Variants in DLC1 observed in about 807,000 individuals in gnomAD.
DLC1 encodes the protein rho GTPase-activating protein 7.
A neutral mutation model predicts 140.3 loss-of-function variants in DLC1; 54 were observed. The ratio of observed to expected loss-of-function variants is 0.38; its 90% CI spans 0.31 to 0.48. The LOEUF is 0.48. Ranked by LOEUF, DLC1 falls within the 20% of genes least tolerant of loss-of-function variation. The pLI is 0.96. For synonymous variants in DLC1, 986 were observed against 728.1 expected (o/e 1.35, Z -5.70); for missense variants, 2,536 against 1,907.0 (o/e 1.33, Z -6.14).
chr8:13,567,625 T>C, intron 1 of DLC1: 5 of 1,551,692 alleles, frequency 3.2e-6, no homozygotes, highest in Non-Finnish European at 4.4e-6. Context: ...GCTGGCCCTG[T>C]CTGCCTTTCT....
chr8:13,382,221 G>A (rs1836295594), intron 4 of DLC1, among the ~76,000 whole-genome samples: 1 of 152,016 alleles, frequency 6.6e-6, no homozygotes, highest in South Asian at 2.1e-4. Context: ...TGAAATGAAA[G>A]AGGAGGCCGG....
chr8:13,538,543 T>C (rs60830385), intron 1 of DLC1, among the ~76,000 whole-genome samples: 6 of 152,048 alleles, frequency 3.9e-5, no homozygotes, highest in Non-Finnish European at 7.4e-5. Context: ...GGCTTCAGAA[T>C]TTTTGTTGTG....
intron 4 of DLC1, among the ~76,000 whole-genome samples, chr8:13,355,962 C>T (rs1161130715): frequency 1.3e-5 from 2 of 151,082 alleles, no homozygotes; most frequent in South Asian, 4.2e-4. Context: ...TAGTGGCGGG[C>T]ACCTGTAGTC....
intron 7 of DLC1, among the ~76,000 whole-genome samples, chr8:13,105,485 A>C (rs1395537216): frequency 6.6e-6 from 1 of 152,004 alleles, no homozygotes; most frequent in Non-Finnish European, 1.5e-5. Flanking sequence ...TAGATTTTAC[A>C]GATGAGGAAA....
At chr8:13,567,095 C>A in intron 1 of DLC1, 1 of 1,551,752 alleles carries the variant, frequency 6.4e-7, no homozygotes, top group Non-Finnish European at 8.7e-7. Flanking sequence ...GTACAGACTT[C>A]CAGCTCATTC....
chr8:13,359,608 C>T (rs940371806), intron 4 of DLC1, among the ~76,000 whole-genome samples: 2 of 152,154 alleles, frequency 1.3e-5, no homozygotes, highest in African/African-American at 2.4e-5. Context: ...CATTTGTCTA[C>T]AACAGCAATC....
At chr8:13,535,485 T>A (rs1185662290) in intron 1 of DLC1, among the ~76,000 whole-genome samples, 1 of 151,764 alleles carries the variant, frequency 6.6e-6, no homozygotes, top group East Asian at 1.9e-4. Flanking sequence ...TGAATAGATA[T>A]CTCCAGAAAA....
intron 2 of DLC1, among the ~76,000 whole-genome samples, chr8:13,445,787 T>G (rs1168812556): frequency 6.6e-6 from 1 of 152,178 alleles, no homozygotes; most frequent in East Asian, 1.9e-4. Context: ...GGTTATTAGC[T>G]TAAAACCTGA....
At chr8:13,374,280 T>A (rs149955059) in intron 4 of DLC1, among the ~76,000 whole-genome samples, 1 of 149,660 alleles carries the variant, frequency 6.7e-6, no homozygotes, top group Non-Finnish European at 1.5e-5. Context: ...AGGTCAAAGG[T>A]CATGCCAAAT....
Position 13,593,879 on chromosome 8 carries a change from C to T in DLC1, c.-126+10658G>A, listed in dbSNP as rs576432579. Among the ~76,000 whole-genome samples, 6 of 152,164 alleles carry T rather than the reference C, an allele frequency of 3.9e-5. No homozygotes were observed. In the East Asian group the frequency reaches 1.2e-3, roughly 29 times the overall value. On this transcript the variant is annotated intron_variant, in intron 1 of 1. Transcript: ENST00000631382. ...TTCTCATGCTGGATGTATTGTTGAA[C>T]ATCAAGGTAAAATTAGAATACTGTG...
intron 1 of DLC1, among the ~76,000 whole-genome samples, chr8:13,524,108 TTTA>T (rs77161996): frequency 0.15 from 20,892 of 138,430 alleles, 1,680 homozygotes; most frequent in African/African-American, 0.21. Flanking sequence ...ATCTATTCTA[TTTA>T]TTATTATTAT....
chr8:13,470,494 G>C (rs1170537680), intron 2 of DLC1, among the ~76,000 whole-genome samples: 1 of 152,060 alleles, frequency 6.6e-6, no homozygotes, highest in Admixed American at 6.5e-5. Context: ...ACATAGAAAT[G>C]GTCAACAGGT....
In DLC1 at chr8:13,454,178, C is replaced by G. The variant is rs375564411; in HGVS notation, c.1023+44871G>C. Among the ~76,000 whole-genome samples, 7 of 151,906 alleles carry G rather than the reference C, an allele frequency of 4.6e-5. No homozygotes were observed. In the East Asian group the frequency reaches 1.4e-3, roughly 29 times the overall value. ...TTACAAAAAACAAATGTTTGTCCAACAAAATGCTGAGAATCATGTCTCCTG... is the reference window on the plus strand; with the variant it reads ...TTACAAAAAACAAATGTTTGTCCAAGAAAATGCTGAGAATCATGTCTCCTG... On this transcript the variant is annotated intron_variant, in intron 2 of 17. Coordinates refer to ENST00000276297, the MANE Select transcript of DLC1 (RefSeq NM_182643.3).
chr8:13,361,174 G>T (rs1586207213), intron 4 of DLC1, among the ~76,000 whole-genome samples: 1 of 152,268 alleles, frequency 6.6e-6, no homozygotes, highest in Non-Finnish European at 1.5e-5. Context: ...TGAGGCTGCA[G>T]TGAGCCTTAA....
At chr8:13,567,324 C>T (rs1402268174) in intron 1 of DLC1, 2 of 1,551,678 alleles carry the variant, frequency 1.3e-6, no homozygotes, top group Non-Finnish European at 1.7e-6. Flanking sequence ...CAACAGAAAT[C>T]ACTCGGGTAT....
At chr8:13,515,583 T>C (rs1263851531), upstream of DLC1, 1 of 152,182 alleles carries the variant, frequency 6.6e-6, no homozygotes, top group Non-Finnish European at 1.5e-5. Flanking sequence ...CATGGCAGCG[T>C]TCCTGAATCA....
intron 12 of DLC1, among the ~76,000 whole-genome samples, chr8:13,094,196 C>G (rs1354021225): frequency 6.6e-6 from 1 of 152,152 alleles, no homozygotes; most frequent in African/African-American, 2.4e-5. Context: ...TAATGAAAGT[C>G]TAACTTTTCA....
chr8:13,402,340 A>T (rs78603760), intron 2 of DLC1, among the ~76,000 whole-genome samples: 4,493 of 152,268 alleles, frequency 0.03, 99 homozygotes, highest in South Asian at 0.075. Context: ...GAGCATATAG[A>T]GTTACTTGGG....
intron 5 of DLC1, among the ~76,000 whole-genome samples, chr8:13,260,892 T>C (rs1305513186): frequency 6.6e-6 from 1 of 152,204 alleles, no homozygotes; most frequent in Non-Finnish European, 1.5e-5. Flanking sequence ...CTATTTTATC[T>C]TTTAGTTGGT....
Sources: gnomAD v4.1 joint callset for allele counts (sites outside exome capture counted in the v4.1 genomes callset) on GRCh38, gnomAD v4.1.1 for gene constraint, MANE v1.5 for transcripts, NCBI Gene and HGNC (gene_info 2026-07-23, HGNC 2026-07-21) for gene names.